The following C10orf67 variants were observed in gnomAD, a reference collection of about 807,000 sequenced individuals.
C10orf67 encodes the protein uncharacterized protein C10orf67, mitochondrial.
A neutral mutation model predicts 35.6 loss-of-function variants in C10orf67; 60 were observed. The ratio of observed to expected loss-of-function variants is 1.68; its 90% confidence interval spans 1.37 to 2.09. The LOEUF (loss-of-function observed/expected upper bound fraction) is 2.09. C10orf67 is among the 30% of genes most tolerant of loss of function. The pLI is 0.00. For synonymous variants in C10orf67, 167 were observed against 115.8 expected (o/e 1.44, Z -2.84); for missense variants, 474 against 330.2 (o/e 1.44, Z -3.38).
At chr10:23,231,415 A>T (rs1841911746) in intron 13 of C10orf67, among the ~76,000 whole-genome samples, 1 of 152,242 alleles carries the variant, frequency 6.6e-6, no homozygotes, top group Non-Finnish European at 1.5e-5. Context: ...GTGGGTGAGT[A>T]AAATATCTTA....
rs545624088 is a variant in C10orf67 at position 23,300,631 on chromosome 10, T to A, written c.702+2673A>T. On this transcript the variant is annotated intron_variant, in intron 5 of 15. Coordinates refer to ENST00000636213, the MANE Select transcript of C10orf67 (RefSeq NM_001371909.1). Reference sequence around the variant, plus strand: ...TCTCTTAGTCTCTCCAGAAAGGCAGTAGGATTTTCTTCCTTTCCCTGTGTT... The same window carrying A: ...TCTCTTAGTCTCTCCAGAAAGGCAGAAGGATTTTCTTCCTTTCCCTGTGTT... Among the ~76,000 whole-genome samples, 4 of 152,326 alleles carry A rather than the reference T, an allele frequency of 2.6e-5. No individual in the cohort carries two copies. The East Asian group carries it at 7.7e-4, about 29-fold the overall frequency.
At chr10:23,230,485 T>G (rs1157711270) in intron 13 of C10orf67, among the ~76,000 whole-genome samples, 1 of 152,108 alleles carries the variant, frequency 6.6e-6, no homozygotes, top group African/African-American at 2.4e-5. Context: ...TTGAGAACAT[T>G]TATTTATTAC....
At chr10:23,279,585 C>T (rs188041972) in intron 8 of C10orf67, among the ~76,000 whole-genome samples, 4 of 151,904 alleles carry the variant, frequency 2.6e-5, no homozygotes, top group Admixed American at 1.3e-4. Flanking sequence ...ATAGGGTGCA[C>T]GGGGATGAAG....
chr10:23,299,707 G>A (rs1844005351), intron 5 of C10orf67, among the ~76,000 whole-genome samples: 1 of 152,198 alleles, frequency 6.6e-6, no homozygotes, highest in Admixed American at 6.5e-5. Context: ...GGCGGGTGCA[G>A]TGGCTCATGC....
intron 10 of C10orf67, 83 bp from the exon 11 acceptor site, chr10:23,250,774 T>C: frequency 2.5e-6 from 1 of 397,074 alleles, no homozygotes; most frequent in East Asian, 3.6e-5. Flanking sequence ...ACTATTTCTA[T>C]AAATAGTATG....
Position 23,326,975 on chromosome 10 carries a change from C to T in C10orf67, c.328-4438G>A, listed in dbSNP as rs1435379734. Among the ~76,000 whole-genome samples, 14 of 151,826 alleles carry T rather than the reference C, an allele frequency of 9.2e-5. 1 individual carries two copies. The highest frequency in any genetic ancestry group is 9.2e-4 in the Admixed American group (14 of 15,244). The stretch of plus-strand genomic sequence containing the variant: ...ATATTAGGAGAAAACAACTGAAATA[C>T]TTGATAATAATAATAAAAAAGACAG... On this transcript the variant is annotated intron_variant, in intron 2 of 15. Transcript: ENST00000636213.
At chr10:23,322,902 G>A (rs1283506594) in intron 2 of C10orf67, among the ~76,000 whole-genome samples, 1 of 151,800 alleles carries the variant, frequency 6.6e-6, no homozygotes, top group East Asian at 1.9e-4. Flanking sequence ...AGAGAGTAAA[G>A]GTCCTCTGTG....
chr10:23,230,117 T>C (rs879488412), intron 13 of C10orf67, among the ~76,000 whole-genome samples: 6 of 152,046 alleles, frequency 3.9e-5, no homozygotes, highest in Admixed American at 1.3e-4. Context: ...CAGTGTTATA[T>C]TGGTGCAGGA....
chr10:23,332,733 G>A (rs1467187892), intron 2 of C10orf67, among the ~76,000 whole-genome samples: 1 of 151,560 alleles, frequency 6.6e-6, no homozygotes, highest in African/African-American at 2.4e-5. Flanking sequence ...GACAAAGCTG[G>A]ATGGTGGGTT....
intron 15 of C10orf67, among the ~76,000 whole-genome samples, chr10:23,221,371 G>A (rs571311378): frequency 1.3e-4 from 20 of 152,244 alleles, no homozygotes; most frequent in African/African-American, 4.3e-4. Flanking sequence ...CCAAATGGAC[G>A]TGAGATTTGG....
At chr10:23,297,292 G>C (rs1234702180) in intron 5 of C10orf67, among the ~76,000 whole-genome samples, 4 of 138,568 alleles carry the variant, frequency 2.9e-5, no homozygotes, top group African/African-American at 1.0e-4. Context: ...ACCAGTCTAA[G>C]ACTGCCACCT....
intron 8 of C10orf67, among the ~76,000 whole-genome samples, chr10:23,270,122 T>G (rs1842977533): frequency 6.6e-6 from 1 of 152,116 alleles, no homozygotes. Context: ...GGTCCATGGC[T>G]GTCATGCAGA....
chr10:23,323,894 A>AATATATATATATATATATATATAT (rs137983793), intron 2 of C10orf67, among the ~76,000 whole-genome samples: 1 of 42,820 alleles, frequency 2.3e-5, no homozygotes, highest in Non-Finnish European at 5.9e-5. Context: ...ACTCCGTCTA[A>AATATATATATATATATATATATAT]ATATATATAT....
chr10:23,215,301 T>C (rs916383824), intron 15 of C10orf67, among the ~76,000 whole-genome samples: 2 of 151,968 alleles, frequency 1.3e-5, no homozygotes, highest in African/African-American at 4.8e-5. Context: ...AGATATCTTT[T>C]TTTTTTTTTT....
At chr10:23,275,806 T>C (rs1843171344) in intron 8 of C10orf67, among the ~76,000 whole-genome samples, 1 of 152,210 alleles carries the variant, frequency 6.6e-6, no homozygotes, top group African/African-American at 2.4e-5. Context: ...TGTAATACTG[T>C]ATCTAGAATT....
chr10:23,215,047 G>A (rs939179691), intron 15 of C10orf67, among the ~76,000 whole-genome samples: 1 of 151,950 alleles, frequency 6.6e-6, no homozygotes, highest in African/African-American at 2.4e-5. Flanking sequence ...ATCAGGGGCA[G>A]AAAAGGGGCA....
chr10:23,335,967 C>T (rs1343133064), intron 1 of C10orf67, among the ~76,000 whole-genome samples: 1 of 152,160 alleles, frequency 6.6e-6, no homozygotes, highest in Non-Finnish European at 1.5e-5. Flanking sequence ...GCCTTCCATT[C>T]TCTTCCCTTC....
At chr10:23,344,539 T>A (rs753052722) in intron 1 of C10orf67, 30 bp downstream of exon 1, 1 of 1,553,754 alleles carries the variant, frequency 6.4e-7, no homozygotes, top group Non-Finnish European at 8.7e-7. Flanking sequence ...GCTCGCTTCC[T>A]CCTCTACCCA....
chr10:23,262,226 G>T (rs781600684), intron 10 of C10orf67, among the ~76,000 whole-genome samples: 4 of 152,106 alleles, frequency 2.6e-5, no homozygotes, highest in Admixed American at 6.5e-5. Flanking sequence ...AAAGACCCAC[G>T]TCTGGGTAGT....
Sources: allele counts gnomAD v4.1 joint callset (sites outside exome capture counted in the v4.1 genomes callset), GRCh38; gene constraint gnomAD v4.1.1; transcripts MANE v1.5; gene names NCBI Gene and HGNC (gene_info 2026-07-23, HGNC 2026-07-21).